The following ZPBP variants were observed in gnomAD, a reference collection of about 807,000 sequenced individuals.
The protein encoded by ZPBP is zona pellucida binding protein.
Under a neutral mutation model 44.8 loss-of-function variants are expected in ZPBP, and 26 were observed. The observed-to-expected ratio is 0.58, with a 90% CI of 0.43 to 0.81. ZPBP has a LOEUF of 0.81. Ranked by LOEUF, ZPBP falls within the 30% of genes least tolerant of loss-of-function variation. The probability of loss-of-function intolerance (pLI) is 0.00; values close to 1 mark genes in which losing one functional copy is unlikely to be tolerated. For missense variants in ZPBP, 409 were observed against 434.0 expected (o/e 0.94, Z 0.51); for synonymous variants, 174 against 153.2 (o/e 1.14, Z -1.00).
At chr7:49,977,300 C>T (rs1485211980) in intron 7 of ZPBP, among the ~76,000 whole-genome samples, 1 of 151,826 alleles carries the variant, frequency 6.6e-6, no homozygotes, top group Non-Finnish European at 1.5e-5. Context: ...AGTTTTATTT[C>T]GTACTGATAA....
intron 7 of ZPBP, among the ~76,000 whole-genome samples, chr7:49,974,322 A>G (rs1050469361): frequency 6.6e-6 from 1 of 152,194 alleles, no homozygotes; most frequent in African/African-American, 2.4e-5. Context: ...ATAAAAAAAA[A>G]GTAGAGCTTC....
chr7:49,907,455 T>C (rs1793167576), intron 1 of ZPBP, among the ~76,000 whole-genome samples: 2 of 152,196 alleles, frequency 1.3e-5, no homozygotes, highest in South Asian at 4.2e-4. Context: ...TACATAACAG[T>C]AGGATAAAAA....
chr7:49,919,829 GA>G (rs902499097), intron 1 of ZPBP: 1 of 152,152 alleles, frequency 6.6e-6, no homozygotes, highest in Non-Finnish European at 1.5e-5. Context: ...TCAAGAAAAA[GA>G]TTTTCATTTT....
chr7:50,030,693 T>G (rs958960708), intron 5 of ZPBP, among the ~76,000 whole-genome samples: 3 of 152,254 alleles, frequency 2.0e-5, no homozygotes, highest in African/African-American at 7.2e-5. Context: ...ATTCTTTGTT[T>G]TCCAGAAAAC....
At chr7:49,986,948 T>C (rs551754866) in intron 6 of ZPBP, among the ~76,000 whole-genome samples, 33 of 152,304 alleles carry the variant, frequency 2.2e-4, no homozygotes, top group African/African-American at 7.2e-4. Context: ...GCCTTCATCT[T>C]GTTTTATGTC....
chr7:50,058,208 A>G, intron 3 of ZPBP, 67 bp from the exon 4 acceptor site: 1 of 1,541,164 alleles, frequency 6.5e-7, no homozygotes, highest in Non-Finnish European at 9.0e-7. Flanking sequence ...ACATTTTCTC[A>G]GCAAGGTAAA....
intron 1 of ZPBP, among the ~76,000 whole-genome samples, chr7:49,924,716 C>T (rs1274347378): frequency 6.6e-6 from 1 of 151,986 alleles, no homozygotes; most frequent in Non-Finnish European, 1.5e-5. Flanking sequence ...ATAGACTAGC[C>T]CCATTTCTCC....
intron 7 of ZPBP, among the ~76,000 whole-genome samples, chr7:49,968,007 AT>A (rs1177414381): frequency 6.6e-6 from 1 of 152,138 alleles, no homozygotes; most frequent in East Asian, 1.9e-4. Context: ...GTATACTATA[AT>A]ATACTTAAAT....
intron 2 of ZPBP, among the ~76,000 whole-genome samples, chr7:49,860,300 T>C (rs1421423630): frequency 6.6e-6 from 1 of 152,242 alleles, no homozygotes; most frequent in Admixed American, 6.5e-5. Context: ...CTAATTTATG[T>C]CTCTAAAAAT....
chr7:49,995,347 G>A (rs1158629933), intron 6 of ZPBP, among the ~76,000 whole-genome samples: 1 of 152,170 alleles, frequency 6.6e-6, no homozygotes, highest in African/African-American at 2.4e-5. Flanking sequence ...ACTGCTTCTG[G>A]TGGGCCTTAT....
chr7:50,027,071 A>G (rs187006973), intron 5 of ZPBP, among the ~76,000 whole-genome samples: 2 of 151,888 alleles, frequency 1.3e-5, no homozygotes, highest in Admixed American at 1.3e-4. Context: ...CATGTGCTCA[A>G]CCCCCCCTCA....
At chr7:49,861,293 G>A (rs1790641896) in intron 2 of ZPBP, among the ~76,000 whole-genome samples, 1 of 152,050 alleles carries the variant, frequency 6.6e-6, no homozygotes, top group East Asian at 1.9e-4. Flanking sequence ...GTGCTTATTG[G>A]CCATTATTTT....
intron 2 of ZPBP, among the ~76,000 whole-genome samples, chr7:49,871,526 T>C (rs1339104862): frequency 6.6e-6 from 1 of 152,140 alleles, no homozygotes; most frequent in Non-Finnish European, 1.5e-5. Context: ...GTTTCCATTA[T>C]GTGTCTTTAA....
At chr7:49,907,056 A>G (rs1045109647) in intron 1 of ZPBP, among the ~76,000 whole-genome samples, 32 of 152,200 alleles carry the variant, frequency 2.1e-4, no homozygotes, top group African/African-American at 7.7e-4. Context: ...CATAAAGAAC[A>G]AGTACTGGGT....
chr7:50,088,068 A>C (rs1802760298), intron 2 of ZPBP, among the ~76,000 whole-genome samples: 1 of 152,134 alleles, frequency 6.6e-6, no homozygotes, highest in South Asian at 2.1e-4. Context: ...AAGTATCAGC[A>C]TAAGAACAGA....
intron 2 of ZPBP, among the ~76,000 whole-genome samples, chr7:49,886,382 A>C (rs1182568011): frequency 6.6e-6 from 1 of 152,320 alleles, no homozygotes; most frequent in South Asian, 2.1e-4. Flanking sequence ...ATCATCATCT[A>C]ATATGCTTTA....
At chr7:49,890,442 TTG>T (rs1792079300) in intron 2 of ZPBP, among the ~76,000 whole-genome samples, 1 of 152,172 alleles carries the variant, frequency 6.6e-6, no homozygotes, top group Non-Finnish European at 1.5e-5. Context: ...AATATGCTGT[TTG>T]ACTTTTTACA....
At chr7:50,005,037 TAA>T (rs71018443) in intron 6 of ZPBP, among the ~76,000 whole-genome samples, 5 of 105,716 alleles carry the variant, frequency 4.7e-5, no homozygotes, top group Non-Finnish European at 5.6e-5. Flanking sequence ...TGAATCATTT[TAA>T]AAAAAAAAAA....
the ZPBP span, among the ~76,000 whole-genome samples, chr7:49,842,144 A>G: frequency 6.6e-6 from 1 of 152,128 alleles, no homozygotes; most frequent in Admixed American, 6.5e-5. Flanking sequence ...CTGGGATTAG[A>G]TGTGTGAGCC....
Sources: allele counts gnomAD v4.1 joint callset (sites outside exome capture counted in the v4.1 genomes callset), GRCh38; gene constraint gnomAD v4.1.1; transcripts MANE v1.5; gene names NCBI Gene and HGNC (gene_info 2026-07-23, HGNC 2026-07-21).